The following VMP1 variants were observed in gnomAD, a reference collection of about 807,000 sequenced individuals.
VMP1 encodes ectopic P-granules autophagy protein 3 homolog.
In VMP1, 11 loss-of-function variants were observed where a neutral mutation model predicts 56.0. The observed-to-expected ratio is 0.20, with a 90% CI of 0.12 to 0.32. The LOEUF is 0.32. Among genes scored for constraint, VMP1 ranks in the 10% least tolerant of loss-of-function variants. VMP1 has a pLI of 1.00. For missense variants in VMP1, 296 were observed against 490.3 expected (o/e 0.60, Z 3.74); for synonymous variants, 149 against 165.0 (o/e 0.90, Z 0.74).
chr17:59,810,741 A>G (rs1202169886), intron 8 of VMP1, among the ~76,000 whole-genome samples: 4 of 152,232 alleles, frequency 2.6e-5, no homozygotes, highest in Non-Finnish European at 2.9e-5. Flanking sequence ...TTTAAAGATC[A>G]TATGTGACAA....
chr17:59,787,405 A>G (rs1230116967), intron 7 of VMP1, among the ~76,000 whole-genome samples: 1 of 152,220 alleles, frequency 6.6e-6, no homozygotes, highest in African/African-American at 2.4e-5. Flanking sequence ...ATGTGATGCA[A>G]GCTGTTAAAT....
intron 1 of VMP1, among the ~76,000 whole-genome samples, chr17:59,708,692 A>T (rs1045647922): frequency 6.6e-6 from 1 of 152,210 alleles, no homozygotes; most frequent in African/African-American, 2.4e-5. Context: ...GTCATGATAG[A>T]ATTTAATATT....
intron 2 of VMP1, among the ~76,000 whole-genome samples, chr17:59,733,187 C>CA (rs924011390): frequency 4.1e-5 from 6 of 144,934 alleles, no homozygotes; most frequent in Admixed American, 6.9e-5. Context: ...CCCTGTCCCC[C>CA]AAAAAAAAAA....
chr17:59,772,950 CTTTTTTTTTTTTT>C lies in VMP1; in HGVS notation c.583-786_583-774del, dbSNP rs1179269248. On this transcript the variant is annotated intron_variant, in intron 6 of 11. Coordinates refer to ENST00000262291, the MANE Select transcript of VMP1 (RefSeq NM_030938.5). ...TATCTAACACATATACTGGTGAATTCTTTTTTTTTTTTTTTTTTTTTTTTTTTTTTGAGACAGA... is the reference window on the plus strand; with the variant it reads ...TATCTAACACATATACTGGTGAATTCTTTTTTTTTTTTTTTTTGAGACAGA... 3.5e-3 allele frequency among the ~76,000 whole-genome samples: 193 copies of C among 55,714 alleles called. 6 individuals are homozygous for C. Among genetic ancestry groups the C allele is most frequent in the Non-Finnish European group, 3.2e-3 (105 of 32,928 alleles). The allele number at this position is 55,714 out of a possible 152,430, so 36.6% of individuals were successfully genotyped here.
At chr17:59,768,730 C>G (rs565926590) in intron 6 of VMP1, among the ~76,000 whole-genome samples, 1 of 152,202 alleles carries the variant, frequency 6.6e-6, no homozygotes, top group African/African-American at 2.4e-5. Context: ...CGCCTGTAAT[C>G]TCAGCACTTT....
chr17:59,835,031 A>G (rs1028549104), intron 10 of VMP1, among the ~76,000 whole-genome samples: 5 of 150,680 alleles, frequency 3.3e-5, no homozygotes, highest in African/African-American at 1.2e-4. Context: ...AAGTGCTAGG[A>G]TTACAGGCGT....
chr17:59,711,180 T>A (rs1207351133), intron 1 of VMP1, among the ~76,000 whole-genome samples: 4 of 152,108 alleles, frequency 2.6e-5, no homozygotes, highest in African/African-American at 9.7e-5. Flanking sequence ...TAATATTTTG[T>A]TATGTTAATT....
At chr17:59,747,890 G>T (rs1341456318) in intron 5 of VMP1, among the ~76,000 whole-genome samples, 1 of 150,608 alleles carries the variant, frequency 6.6e-6, no homozygotes, top group South Asian at 2.1e-4. Context: ...GCGAAACCCT[G>T]TCTCTTAAAA....
At chr17:59,785,780 A>G (rs1037098877) in intron 7 of VMP1, among the ~76,000 whole-genome samples, 2 of 151,610 alleles carry the variant, frequency 1.3e-5, no homozygotes, top group African/African-American at 4.8e-5. Flanking sequence ...AGTATCGTTC[A>G]TGAGTCTGCC....
chr17:59,810,217 G>A (rs1324259431), intron 8 of VMP1, among the ~76,000 whole-genome samples: 2 of 152,038 alleles, frequency 1.3e-5, no homozygotes, highest in African/African-American at 4.8e-5. Context: ...GCAGTGGCGA[G>A]ATCTTGGCTC....
chr17:59,805,149 C>T (rs922951429), intron 7 of VMP1, among the ~76,000 whole-genome samples: 1 of 152,110 alleles, frequency 6.6e-6, no homozygotes, highest in African/African-American at 2.4e-5. Flanking sequence ...TTCAGCTTCA[C>T]GTGTTCGGAT....
In VMP1 at chr17:59,784,013, C is replaced by T. The variant is rs1369458313; in HGVS notation, c.714+10128C>T. On this transcript the variant is annotated intron_variant, in intron 7 of 11. Coordinates refer to ENST00000262291, the MANE Select transcript of VMP1 (RefSeq NM_030938.5). ...ACTTGGCCCCAACCTACGACTACTT[C>T]TGATTTCCCTTTAACAGTTTTTTAT... Among the ~76,000 whole-genome samples the T allele has an allele frequency of 5.3e-5, 8 of 152,036 alleles. No individual in the cohort carries two copies. The East Asian group carries it at 1.5e-3, about 29-fold the overall frequency.
intron 1 of VMP1, among the ~76,000 whole-genome samples, chr17:59,725,487 G>A (rs2034565835): frequency 6.6e-6 from 1 of 151,512 alleles, no homozygotes; most frequent in Admixed American, 6.6e-5. Context: ...AACACTAGTG[G>A]GTCTTTTATT....
At chr17:59,740,582 GT>G (rs768724505) in intron 5 of VMP1, among the ~76,000 whole-genome samples, 9 of 152,184 alleles carry the variant, frequency 5.9e-5, no homozygotes, top group Non-Finnish European at 4.4e-5. Context: ...ATTTCTCCAA[GT>G]TTATGGGAGT....
chr17:59,772,542 G>T (rs893910584), intron 6 of VMP1, among the ~76,000 whole-genome samples: 5 of 151,920 alleles, frequency 3.3e-5, no homozygotes, highest in Non-Finnish European at 5.9e-5. Flanking sequence ...GCCGAGGCGG[G>T]TGAATCACCT....
intron 5 of VMP1, among the ~76,000 whole-genome samples, chr17:59,749,502 A>G (rs1480224492): frequency 6.6e-6 from 1 of 151,852 alleles, no homozygotes; most frequent in Non-Finnish European, 1.5e-5. Flanking sequence ...CTGAAGCTCA[A>G]GTTTAAATAA....
chr17:59,773,772 G>A lies in VMP1; in HGVS notation c.601G>A (p.Gly201Arg). 1 of 1,607,094 alleles carries A rather than the reference G, an allele frequency of 6.2e-7. No homozygotes were observed. Among genetic ancestry groups the A allele is most frequent in the Non-Finnish European group, 8.5e-7 (1 of 1,177,824 alleles). ...CACCTAGGGTATCGGTACAGCAATCGGAGAGCTGCCTCCATATTTCATGGC... is the reference window on the plus strand; with the variant it reads ...CACCTAGGGTATCGGTACAGCAATCAGAGAGCTGCCTCCATATTTCATGGC... ...ACMWGIGTAI[G>R]ELPPYFMARA... The change falls in exon 7 of 12, where the codon GGA becomes AGA. Residue 201 changes from glycine to arginine, a missense_variant. This residue lies in a region of VMP1 where 126 missense variants were observed against 231.6 expected (regional missense o/e 0.54). Transcript: ENST00000262291.
intron 1 of VMP1, among the ~76,000 whole-genome samples, chr17:59,715,658 A>G (rs559745949): frequency 9.8e-5 from 15 of 152,326 alleles, no homozygotes; most frequent in South Asian, 2.1e-4. Flanking sequence ...AAAACATGCT[A>G]ATCATTTATT....
intron 8 of VMP1, 69 bp from the exon 9 acceptor site, chr17:59,811,601 A>T (rs2038052671): frequency 2.5e-6 from 3 of 1,176,664 alleles, no homozygotes; most frequent in Non-Finnish European, 3.8e-6. Flanking sequence ...AATACCACAT[A>T]TCAATGGGTG....
Sources: gnomAD v4.1 joint callset for allele counts (sites outside exome capture counted in the v4.1 genomes callset) on GRCh38, gnomAD v4.1.1 for gene constraint, gnomAD v4.1.1 regional missense constraint, MANE v1.5 for transcripts, NCBI Gene and HGNC (gene_info 2026-07-23, HGNC 2026-07-21) for gene names.